CREBL2: variants seen among roughly 807,000 people sequenced by gnomAD.
The protein encoded by CREBL2 is cAMP-responsive element-binding protein-like 2.
In CREBL2, 4 loss-of-function variants were observed where a neutral mutation model predicts 19.5. The observed-to-expected ratio is 0.20, with a 90% CI of 0.10 to 0.47. The LOEUF is 0.47. CREBL2 is among the 20% of genes least tolerant of loss of function. The pLI, the probability that CREBL2 is intolerant of heterozygous loss-of-function variation, is 0.98. For missense variants in CREBL2, 85 were observed against 145.1 expected, an observed-to-expected ratio of 0.59 and a Z score of 2.13; for synonymous variants, 42 against 46.6, an observed-to-expected ratio of 0.90 and a Z score of 0.40.
In CREBL2 at chr12:12,644,268, G is replaced by C. The variant is rs1159276314; in HGVS notation, c.*2270G>C. ...ATTGCCTCGGCTATTGTGCTGGCTGGACACTTTGGTCACTTTTGAAGCATG... is the reference window on the plus strand; with the variant it reads ...ATTGCCTCGGCTATTGTGCTGGCTGCACACTTTGGTCACTTTTGAAGCATG... On this transcript the variant is annotated 3_prime_UTR_variant, in exon 4 of 4. Transcript: ENST00000228865. The C allele has an allele frequency of 6.6e-6, 1 of 152,160 alleles. No individual in the cohort carries two copies. Among genetic ancestry groups the C allele is most frequent in the Non-Finnish European group, 1.5e-5 (1 of 68,048 alleles). 9.4% of individuals were successfully genotyped at this position (152,160 alleles called of 1,614,324 possible). A position where few individuals can be genotyped will look rare whatever the true frequency, so the allele number is the denominator to read the frequency against.
chr12:12,618,627 G>A (rs1388850024), intron 1 of CREBL2, among the ~76,000 whole-genome samples: 6 of 152,116 alleles, frequency 3.9e-5, no homozygotes, highest in African/African-American at 1.4e-4. Context: ...CCCAGGCGGG[G>A]TGGCGGCCGG....
At chr12:12,622,990 A>G (rs1945371631) in intron 1 of CREBL2, among the ~76,000 whole-genome samples, 2 of 152,152 alleles carry the variant, frequency 1.3e-5, no homozygotes, top group Admixed American at 1.3e-4. Context: ...AGTTGCCTTA[A>G]TTAGAGCATC....
Position 12,644,266 on chromosome 12 carries a change from T to TTC in CREBL2, c.*2268_*2269insTC, listed in dbSNP as rs1945547996. Reference sequence around the variant, plus strand: ...TGATTGCCTCGGCTATTGTGCTGGCTGGACACTTTGGTCACTTTTGAAGCA... The same window carrying TTC: ...TGATTGCCTCGGCTATTGTGCTGGCTTCGGACACTTTGGTCACTTTTGAAGCA... On this transcript the variant is annotated 3_prime_UTR_variant, in exon 4 of 4. Transcript: ENST00000228865. The TTC allele has an allele frequency of 6.6e-6, 1 of 152,240 alleles. No homozygotes were observed. The highest frequency in any genetic ancestry group is 6.5e-5 in the Admixed American group (1 of 15,286). 9.4% of individuals were successfully genotyped at this position (152,240 alleles called of 1,614,324 possible).
chr12:12,622,311 G>A (rs893502062), intron 1 of CREBL2, among the ~76,000 whole-genome samples: 5 of 152,106 alleles, frequency 3.3e-5, no homozygotes, highest in Admixed American at 1.3e-4. Context: ...CAGTTGATGC[G>A]GCGTGCATAA....
intron 2 of CREBL2, among the ~76,000 whole-genome samples, chr12:12,636,549 A>T (rs1482159477): frequency 6.6e-6 from 1 of 152,144 alleles, no homozygotes; most frequent in Non-Finnish European, 1.5e-5. Context: ...CCTCCTGAGT[A>T]GCTGGGACTA....
At chr12:12,641,257 T>A (rs76804874) in intron 3 of CREBL2, among the ~76,000 whole-genome samples, 19,938 of 106,054 alleles carry the variant, frequency 0.19, 2,195 homozygotes, top group East Asian at 0.31. Context: ...ATTATTATTT[T>A]TTTTTATTTT....
At chr12:12,631,674 C>T (rs1168770251) in intron 1 of CREBL2, among the ~76,000 whole-genome samples, 1 of 152,176 alleles carries the variant, frequency 6.6e-6, no homozygotes, top group African/African-American at 2.4e-5. Flanking sequence ...GCTGCTGGTT[C>T]TTGGTTCCTA....
intron 3 of CREBL2, among the ~76,000 whole-genome samples, chr12:12,641,244 A>ATTTTTT (rs1566116871): frequency 1.3e-4 from 2 of 15,584 alleles, no homozygotes; most frequent in African/African-American, 2.2e-4. Flanking sequence ...TATTATTATT[A>ATTTTTT]TTATTATTAT....
At position 12,642,284 on chromosome 12, in the gene CREBL2, G is replaced by A. The variant is rs757126153; in HGVS notation, c.*286G>A. 14 of 289,472 alleles carry A rather than the reference G, an allele frequency of 4.8e-5. No individual in the cohort carries two copies. Among genetic ancestry groups the A allele is most frequent in the African/African-American group, 2.4e-4 (11 of 46,164 alleles). The allele number at this position is 289,472 out of a possible 1,614,324, so 17.9% of individuals were successfully genotyped here. ...TGAAAACACAGGAGTAGAGAAAATCGATGAAGATTGTATTTTTGCACCTTA... is the reference window on the plus strand; with the variant it reads ...TGAAAACACAGGAGTAGAGAAAATCAATGAAGATTGTATTTTTGCACCTTA... On this transcript the variant is annotated 3_prime_UTR_variant, in exon 4 of 4. Transcript: ENST00000228865.
chr12:12,627,099 C>T (rs541254528), intron 1 of CREBL2, among the ~76,000 whole-genome samples: 15 of 152,018 alleles, frequency 9.9e-5, no homozygotes, highest in South Asian at 4.2e-4. Flanking sequence ...GGCAGTGAGA[C>T]GATTCTGTAT....
chr12:12,621,300 C>G (rs142496684), intron 1 of CREBL2, among the ~76,000 whole-genome samples: 108 of 152,276 alleles, frequency 7.1e-4, no homozygotes, highest in African/African-American at 2.6e-3. Context: ...GGGCAGATCA[C>G]CTGAGGTCAG....
chr12:12,635,139 C>G (rs989305612), intron 1 of CREBL2, among the ~76,000 whole-genome samples: 1 of 151,904 alleles, frequency 6.6e-6, no homozygotes, highest in Non-Finnish European at 1.5e-5. Context: ...GCAAATGGAT[C>G]AGTTAAGCCT....
At chr12:12,617,499 AG>A (rs1945319094) in intron 1 of CREBL2, among the ~76,000 whole-genome samples, 1 of 152,126 alleles carries the variant, frequency 6.6e-6, no homozygotes, top group East Asian at 1.9e-4. Context: ...GGTGAAGATT[AG>A]GGTTGATACA....
intron 1 of CREBL2, among the ~76,000 whole-genome samples, chr12:12,620,966 G>T (rs935136219): frequency 6.6e-6 from 1 of 152,208 alleles, no homozygotes; most frequent in Non-Finnish European, 1.5e-5. Context: ...TCAGACATGG[G>T]TTTACAGAGT....
At chr12:12,624,939 G>A (rs1166675307) in intron 1 of CREBL2, among the ~76,000 whole-genome samples, 2 of 152,176 alleles carry the variant, frequency 1.3e-5, no homozygotes, top group Non-Finnish European at 2.9e-5. Flanking sequence ...CTGAAAAGGG[G>A]ATGGGACTGG....
chr12:12,633,883 A>C (rs1486654857), intron 1 of CREBL2, among the ~76,000 whole-genome samples: 2 of 152,244 alleles, frequency 1.3e-5, no homozygotes, highest in East Asian at 3.8e-4. Context: ...ATGATTTGCC[A>C]GTGTTTGAAT....
In CREBL2 at chr12:12,642,148, C is replaced by T. The variant is rs558935791; in HGVS notation, c.*150C>T. ...TGCAATTTCTACCAAAATGTGTGAT[C>T]GTAGATCTCAAAGGATCTTGCTTTA... On this transcript the variant is annotated 3_prime_UTR_variant, in exon 4 of 4. Coordinates refer to ENST00000228865, the MANE Select transcript of CREBL2 (RefSeq NM_001310.4). 36 of 469,478 alleles carry T rather than the reference C, an allele frequency of 7.7e-5. No individual in the cohort carries two copies. The South Asian group carries it at 1.0e-3, about 13-fold the overall frequency. The allele number at this position is 469,478 out of a possible 1,614,324, so 29.1% of individuals were successfully genotyped here. A position where few individuals can be genotyped will look rare whatever the true frequency, so the allele number is the denominator to read the frequency against.
chr12:12,618,816 G>T (rs1348250785), intron 1 of CREBL2, among the ~76,000 whole-genome samples: 18 of 152,238 alleles, frequency 1.2e-4, no homozygotes, highest in Admixed American at 1.2e-3. Flanking sequence ...ATCACTCGCG[G>T]TCAGGAGCTG....
intron 1 of CREBL2, among the ~76,000 whole-genome samples, chr12:12,635,256 C>T (rs111918132): frequency 0.038 from 5,742 of 151,626 alleles, 185 homozygotes; most frequent in South Asian, 0.12. Flanking sequence ...ATAGTTACAG[C>T]GACACGGGAG....
Sources: gnomAD v4.1 joint callset for allele counts (sites outside exome capture counted in the v4.1 genomes callset) on GRCh38, gnomAD v4.1.1 for gene constraint, MANE v1.5 for transcripts, NCBI Gene and HGNC (gene_info 2026-07-23, HGNC 2026-07-21) for gene names.